PCDHGA1: variants seen among roughly 807,000 people sequenced by gnomAD.
The protein encoded by PCDHGA1 is protocadherin gamma-A1.
A neutral mutation model predicts 58.0 loss-of-function variants in PCDHGA1; 32 were observed. The observed-to-expected ratio is 0.55, with a 90% CI of 0.42 to 0.74. The LOEUF (loss-of-function observed/expected upper bound fraction) is 0.74, where lower values mean the gene tolerates loss of function less well. Ranked by LOEUF, PCDHGA1 falls within the 30% of genes least tolerant of loss-of-function variation. The probability of loss-of-function intolerance (pLI) is 0.00; values close to 1 mark genes in which losing one functional copy is unlikely to be tolerated. For missense variants in PCDHGA1, 1,205 were observed against 1,182.3 expected, an observed-to-expected ratio of 1.02 and a Z score of -0.28; for synonymous variants, 498 against 501.1, an observed-to-expected ratio of 0.99 and a Z score of 0.08.
At chr5:141,355,755 G>A (rs761483033) in intron 1 of PCDHGA1, 64 of 1,613,806 alleles carry the variant, frequency 4.0e-5, no homozygotes, top group Non-Finnish European at 5.3e-5. Context: ...TGCAAAGTGG[G>A]GCCGATGGGA....
chr5:141,389,749 G>C (rs1361443182), intron 1 of PCDHGA1: 1 of 1,612,740 alleles, frequency 6.2e-7, no homozygotes, highest in South Asian at 1.1e-5. Context: ...CTGCGCACGG[G>C]CGAAGTGCGC....
At position 141,339,989 on chromosome 5, in the gene PCDHGA1, G is replaced by A. The variant is rs144241311; in HGVS notation, c.2421+6884G>A. Reference sequence around the variant, plus strand: ...GAAGGTTATCGTCACGGTTCTGGATGTGAATGACAATGCCCCAGAATTTTA... The same window carrying A: ...GAAGGTTATCGTCACGGTTCTGGATATGAATGACAATGCCCCAGAATTTTA... On this transcript the variant is annotated intron_variant, in intron 1 of 3. Transcript: ENST00000517417. 7.3e-4 allele frequency: 1,173 copies of A among 1,614,046 alleles called. 2 individuals carry two copies. Among genetic ancestry groups the A allele is most frequent in the Non-Finnish European group, 9.2e-4 (1,082 of 1,180,002 alleles).
intron 1 of PCDHGA1, chr5:141,395,873 G>A (rs1430280971): frequency 6.6e-6 from 1 of 152,046 alleles, no homozygotes; most frequent in Non-Finnish European, 1.5e-5. Flanking sequence ...TTAAGTATGT[G>A]AGTCAGTGGT....
intron 1 of PCDHGA1, among the ~76,000 whole-genome samples, chr5:141,472,405 G>A (rs1207849470): frequency 6.6e-6 from 1 of 152,086 alleles, no homozygotes; most frequent in Non-Finnish European, 1.5e-5. Flanking sequence ...GCCAGGCGTG[G>A]TGGCACGCAC....
chr5:141,394,724 G>T, intron 1 of PCDHGA1: 1 of 1,613,380 alleles, frequency 6.2e-7, no homozygotes, highest in Non-Finnish European at 8.5e-7. Flanking sequence ...ACAGAGATGC[G>T]CTCAAGCAGA....
At chr5:141,358,963 C>A (rs938791914) in intron 1 of PCDHGA1, among the ~76,000 whole-genome samples, 1 of 152,156 alleles carries the variant, frequency 6.6e-6, no homozygotes, top group Admixed American at 6.5e-5. Context: ...CATTTAGGTT[C>A]TGTGAGAATT....
At chr5:141,419,897 A>C in intron 1 of PCDHGA1, 1 of 1,613,960 alleles carries the variant, frequency 6.2e-7, no homozygotes, top group Non-Finnish European at 8.5e-7. Context: ...CGACCATCCC[A>C]CACCCTCTGA....
intron 1 of PCDHGA1, among the ~76,000 whole-genome samples, chr5:141,459,838 A>G (rs944807247): frequency 6.6e-6 from 1 of 152,098 alleles, no homozygotes; most frequent in Non-Finnish European, 1.5e-5. Flanking sequence ...TGTGTTGTCT[A>G]TTTGTATATC....
At chr5:141,421,211 T>A (rs866635411) in intron 1 of PCDHGA1, 8 of 1,541,100 alleles carry the variant, frequency 5.2e-6, no homozygotes. Flanking sequence ...CCGCGGAATA[T>A]CGGCTTAGAG....
At chr5:141,399,237 A>C in intron 1 of PCDHGA1, 1 of 1,614,002 alleles carries the variant, frequency 6.2e-7, no homozygotes, top group Non-Finnish European at 8.5e-7. Flanking sequence ...TACATGACCA[A>C]GATTCTGGGG....
At chr5:141,339,784 G>A (rs746379195) in intron 1 of PCDHGA1, 9 of 1,614,202 alleles carry the variant, frequency 5.6e-6, no homozygotes, top group Non-Finnish European at 7.6e-6. Flanking sequence ...ACGCAGATGA[G>A]GGCTACTACG....
chr5:141,346,072 C>T (rs780449103), intron 1 of PCDHGA1: 2 of 1,613,640 alleles, frequency 1.2e-6, no homozygotes, highest in Non-Finnish European at 1.7e-6. Flanking sequence ...AGCCTCGAGC[C>T]CTCCGCCAAA....
Position 141,332,319 on chromosome 5 carries a change from C to A in PCDHGA1, c.1635C>A (p.Asn545Lys). ...RDSGDPPLSS[N>K]VSLSLFLLDQ... ...GTGGGGATCCGCCCCTCAGCAGCAA[C>A]GTGTCTCTCAGCCTATTCCTGCTGG... The change falls in exon 1 of 4, where the codon AAC becomes AAA. Residue 545 changes from asparagine to lysine, a missense_variant. By Grantham distance (94) the Asn-to-Lys change is moderately conservative. Coordinates refer to ENST00000517417, the MANE Select transcript of PCDHGA1 (RefSeq NM_018912.3). The surrounding 1 kb of genome is among the most constrained non-coding windows in gnomAD (Gnocchi z 4.6). The A allele has an allele frequency of 4.3e-6, 7 of 1,614,204 alleles. No homozygotes were observed. Among genetic ancestry groups the A allele is most frequent in the Non-Finnish European group, 5.9e-6 (7 of 1,180,036 alleles).
chr5:141,455,928 C>T (rs1160778812), intron 1 of PCDHGA1, among the ~76,000 whole-genome samples: 3 of 151,158 alleles, frequency 2.0e-5, no homozygotes, highest in African/African-American at 4.9e-5. Context: ...GACGGAGTCT[C>T]GCTCTGTCGC....
intron 1 of PCDHGA1, among the ~76,000 whole-genome samples, chr5:141,381,121 T>C (rs1490532443): frequency 6.6e-6 from 1 of 152,260 alleles, no homozygotes; most frequent in East Asian, 1.9e-4. Context: ...TTCCCTGTAT[T>C]CTGGAGCAAT....
intron 1 of PCDHGA1, chr5:141,419,330 C>T: frequency 1.2e-6 from 2 of 1,613,956 alleles, no homozygotes; most frequent in South Asian, 1.1e-5. Flanking sequence ...CTCCTACTCT[C>T]TCATTGCCAG....
chr5:141,412,559 GTTTA>G (rs2095563108), intron 1 of PCDHGA1: 1 of 152,224 alleles, frequency 6.6e-6, no homozygotes, highest in Admixed American at 6.5e-5. Flanking sequence ...TATCTCATGA[GTTTA>G]TTTAATATAA....
At chr5:141,347,354 T>G (rs1293952352) in intron 1 of PCDHGA1, among the ~76,000 whole-genome samples, 1 of 151,892 alleles carries the variant, frequency 6.6e-6, no homozygotes, top group Non-Finnish European at 1.5e-5. Context: ...GGGCAATTGC[T>G]ATGTTTCCCA....
intron 1 of PCDHGA1, chr5:141,393,560 G>A (rs1448273528): frequency 1.5e-5 from 24 of 1,613,796 alleles, no homozygotes; most frequent in Non-Finnish European, 2.0e-5. Context: ...TTTACCGAGT[G>A]AAAGTCCTTG....
Sources: allele counts gnomAD v4.1 joint callset (sites outside exome capture counted in the v4.1 genomes callset), GRCh38; gene constraint gnomAD v4.1.1; non-coding constraint Gnocchi (gnomAD v3.1); transcripts MANE v1.5; gene names NCBI Gene and HGNC (gene_info 2026-07-23, HGNC 2026-07-21).